Variants in EXOC1 observed in about 807,000 individuals in gnomAD.
EXOC1 encodes the protein SEC3-like 1.
A neutral mutation model predicts 107.7 loss-of-function variants in EXOC1; 67 were observed. The ratio of observed to expected loss-of-function variants is 0.62; its 90% CI spans 0.51 to 0.76. The LOEUF (loss-of-function observed/expected upper bound fraction) is 0.76. Among genes scored for constraint, EXOC1 ranks in the 30% least tolerant of loss-of-function variants. The pLI is 0.00. For synonymous variants in EXOC1, 348 were observed against 353.5 expected, an observed-to-expected ratio of 0.98 and a Z score of 0.17; for missense variants, 833 against 1,055.7, an observed-to-expected ratio of 0.79 and a Z score of 2.92.
Position 55,891,391 on chromosome 4 carries a change from TACAGCA to T in EXOC1, c.1620_1625del (p.Gln540_Gln541del), listed in dbSNP as rs764873943. ...GACTTCATAAGTAAATTTTTCAAACTACAGCAACATCAAAGTATGCCTGGAACTATG... is the reference window on the plus strand; with the variant it reads ...GACTTCATAAGTAAATTTTTCAAACTACATCAAAGTATGCCTGGAACTATG... On this transcript the variant is annotated inframe_deletion, in exon 13 of 19. Coordinates refer to ENST00000381295, the MANE Select transcript of EXOC1 (RefSeq NM_001024924.2). The T allele has an allele frequency of 2.5e-6, 4 of 1,613,426 alleles. No individual in the cohort carries two copies. Among genetic ancestry groups the T allele is most frequent in the Non-Finnish European group, 3.4e-6 (4 of 1,179,464 alleles).
At chr4:55,894,420 GT>G (rs1164308877) in intron 15 of EXOC1, among the ~76,000 whole-genome samples, 2 of 151,460 alleles carry the variant, frequency 1.3e-5, no homozygotes, top group Non-Finnish European at 2.9e-5. Context: ...AATCATTTGG[GT>G]TTATTGTTAT....
chr4:55,894,413 C>T (rs1046905304), intron 15 of EXOC1, among the ~76,000 whole-genome samples: 9 of 151,214 alleles, frequency 6.0e-5, no homozygotes, highest in Non-Finnish European at 7.4e-5. Context: ...TTGAAACAAT[C>T]ATTTGGGTTT....
In EXOC1 at chr4:55,870,615, TAAC is replaced by T. The variant is rs1208987640; in HGVS notation, c.604-60_604-58del. Reference sequence around the variant, plus strand: ...ACCTTTATTCTTTTACACATCTAAATAACAAGTATGTTTTTTGTTTGTTTGTTT... The same window carrying T: ...ACCTTTATTCTTTTACACATCTAAATAAGTATGTTTTTTGTTTGTTTGTTT... On this transcript the variant is annotated intron_variant, in intron 5 of 18. Coordinates refer to ENST00000381295, the MANE Select transcript of EXOC1 (RefSeq NM_001024924.2). The T allele has an allele frequency of 1.3e-5, 19 of 1,461,292 alleles. No homozygotes were observed. The East Asian group carries it at 3.7e-4, about 28-fold the overall frequency. 90.5% of individuals were successfully genotyped at this position (1,461,292 alleles called of 1,614,324 possible). A position where few individuals can be genotyped will look rare whatever the true frequency, so the allele number is the denominator to read the frequency against.
At chr4:55,876,001 G>A in intron 8 of EXOC1, 1 of 973,470 alleles carries the variant, frequency 1.0e-6, no homozygotes, top group Non-Finnish European at 1.2e-6. Context: ...TACATGTGAT[G>A]CTGTAGAATC....
chr4:55,860,408 C>T lies in EXOC1; in HGVS notation c.125-3C>T, dbSNP rs2110311273. On this transcript the variant is annotated splice_region_variant and splice_polypyrimidine_tract_variant and intron_variant, in intron 2 of 18. Coordinates refer to ENST00000381295, the MANE Select transcript of EXOC1 (RefSeq NM_001024924.2). ...TAATAAAAGTGTGCGTTTTACTCAA[C>T]AGTGACAACTGAACGCCCTGTGCAG... is the stretch of plus-strand genomic sequence containing the variant. The T allele has an allele frequency of 3.7e-6, 6 of 1,613,310 alleles. No homozygotes were observed. The highest frequency in any genetic ancestry group is 4.2e-6 in the Non-Finnish European group (5 of 1,179,478).
Position 55,896,436 on chromosome 4 carries a change from C to T in EXOC1, c.1954-281C>T, listed in dbSNP as rs560294253. Among the ~76,000 whole-genome samples the T allele has an allele frequency of 5.3e-5, 8 of 152,210 alleles. No individual in the cohort carries two copies. The East Asian group carries it at 1.5e-3, about 29-fold the overall frequency. On this transcript the variant is annotated intron_variant, in intron 15 of 18. Coordinates refer to ENST00000381295, the MANE Select transcript of EXOC1 (RefSeq NM_001024924.2). ...TGGGATTACAGGCATGAGCCACCGT[C>T]CCCAGCTTATAGATGGTTTTAAATA...
At chr4:55,890,532 A>T (rs769863775) in intron 12 of EXOC1, 146 bp downstream of exon 12, 26 of 110,596 alleles carry the variant, frequency 2.4e-4, no homozygotes, top group Admixed American at 4.4e-4. Context: ...CGAATCTGGG[A>T]AAAAAAAAAA....
intron 10 of EXOC1, among the ~76,000 whole-genome samples, chr4:55,884,306 G>A (rs1323360099): frequency 1.3e-5 from 2 of 152,020 alleles, no homozygotes; most frequent in African/African-American, 4.8e-5. Context: ...TAACAGTTGG[G>A]GGCAAGTCAC....
intron 18 of EXOC1, among the ~76,000 whole-genome samples, chr4:55,903,779 A>T (rs1242837318): frequency 1.3e-5 from 2 of 152,192 alleles, no homozygotes; most frequent in African/African-American, 4.8e-5. Flanking sequence ...AATTGTCTAC[A>T]TATTAGCCTC....
rs145136256 is a variant in EXOC1, at chr4:55,871,903, G to A, written c.1019G>A (p.Arg340Gln). 102 of 1,613,648 alleles carry A rather than the reference G, an allele frequency of 6.3e-5. No individual in the cohort carries two copies. Among genetic ancestry groups the A allele is most frequent in the Non-Finnish European group, 7.8e-5 (92 of 1,179,816 alleles). ...KQQQQRFSDL[R>Q]ELFARRLASH... ...CAACAGCAGCGATTCAGTGATTTGC[G>A]AGAGCTTTTTGCCCGGAGACTGGCC... Residue 340 changes from arginine (R) to glutamine (Q), a missense_variant, in exon 8 of 19, where the codon CGA becomes CAA. Coordinates refer to ENST00000381295, the MANE Select transcript of EXOC1 (RefSeq NM_001024924.2).
At chr4:55,896,658 T>C in intron 15 of EXOC1, 59 bp from the exon 16 acceptor site, 1 of 1,346,320 alleles carries the variant, frequency 7.4e-7, no homozygotes, top group African/African-American at 1.5e-5. Flanking sequence ...TTGTTATGAT[T>C]ATATGTAGTT....
intron 3 of EXOC1, among the ~76,000 whole-genome samples, chr4:55,862,731 AG>A (rs761048402): frequency 7.2e-5 from 11 of 152,214 alleles, no homozygotes; most frequent in Non-Finnish European, 1.6e-4. Flanking sequence ...TCACAGTGAA[AG>A]TCTGATATAA....
At position 55,868,412 on chromosome 4, in the gene EXOC1, T is replaced by C; in HGVS notation, c.492T>C (p.Asn164=). ...EEVVDEYQEL[N]AREEQDIEIM... ...TAGTAGATGAATACCAAGAGTTAAA[T>C]GCAAGAGAAGAACAGGATATCGAAA... The change falls in exon 5 of 19, where the codon AAT becomes AAC. Residue 164 remains asparagine (N), a synonymous_variant. Transcript: ENST00000381295. 1 of 1,613,664 alleles carries C rather than the reference T, an allele frequency of 6.2e-7. No individual in the cohort carries two copies. Among genetic ancestry groups the C allele is most frequent in the Admixed American group, 1.7e-5 (1 of 59,960 alleles).
intron 3 of EXOC1, among the ~76,000 whole-genome samples, chr4:55,863,887 A>G (rs1721711411): frequency 6.6e-6 from 1 of 152,240 alleles, no homozygotes; most frequent in Non-Finnish European, 1.5e-5. Context: ...CAATTTAAAA[A>G]GAAAAATTAG....
At chr4:55,878,455 T>C (rs943122135) in intron 9 of EXOC1, among the ~76,000 whole-genome samples, 4 of 152,226 alleles carry the variant, frequency 2.6e-5, no homozygotes, top group Non-Finnish European at 5.9e-5. Flanking sequence ...AAGCAAGCAT[T>C]CCACTATTCC....
At chr4:55,881,563 C>T (rs182994864) in intron 9 of EXOC1, among the ~76,000 whole-genome samples, 285 of 152,082 alleles carry the variant, frequency 1.9e-3, no homozygotes, top group Admixed American at 3.3e-3. Flanking sequence ...AGACATGGGA[C>T]GTCAATCAGT....
chr4:55,857,974 T>C (rs937419506), intron 1 of EXOC1, among the ~76,000 whole-genome samples: 1 of 152,216 alleles, frequency 6.6e-6, no homozygotes, highest in African/African-American at 2.4e-5. Flanking sequence ...TTTTATTCAG[T>C]TTTTAATGGG....
intron 4 of EXOC1, among the ~76,000 whole-genome samples, chr4:55,865,605 T>C (rs1056807181): frequency 2.0e-5 from 3 of 152,182 alleles, no homozygotes; most frequent in Non-Finnish European, 4.4e-5. Context: ...GGGTTGAACA[T>C]TCTGATGAGT....
intron 11 of EXOC1, among the ~76,000 whole-genome samples, chr4:55,889,395 T>G (rs1007723304): frequency 1.8e-4 from 27 of 152,190 alleles, no homozygotes; most frequent in African/African-American, 6.5e-4. Context: ...TGAATAAAAA[T>G]ATCACATTTT....
Sources: gnomAD v4.1 joint callset for allele counts (sites outside exome capture counted in the v4.1 genomes callset) on GRCh38, gnomAD v4.1.1 for gene constraint, MANE v1.5 for transcripts, NCBI Gene and HGNC (gene_info 2026-07-23, HGNC 2026-07-21) for gene names.